Variants in PTPN11 observed in about 807,000 individuals in gnomAD.
The protein encoded by PTPN11 is tyrosine-protein phosphatase non-receptor type 11.
In PTPN11, 6 loss-of-function variants were observed where a neutral mutation model predicts 78.8. That is an observed-to-expected ratio of 0.08 (90% CI 0.04 to 0.15). PTPN11 has a LOEUF of 0.15. PTPN11 is among the 10% of genes least tolerant of loss of function. The probability of loss-of-function intolerance (pLI) is 1.00; values close to 1 mark genes in which losing one functional copy is unlikely to be tolerated. For synonymous variants in PTPN11, 221 were observed against 263.5 expected (o/e 0.84, Z 1.56); for missense variants, 386 against 744.8 (o/e 0.52, Z 5.61).
intron 1 of PTPN11, among the ~76,000 whole-genome samples, chr12:112,434,257 G>A (rs571500445): frequency 6.6e-6 from 1 of 151,878 alleles, no homozygotes; most frequent in Admixed American, 6.6e-5. Context: ...TCCAACCTGC[G>A]CAACAGAGTG....
intron 6 of PTPN11, among the ~76,000 whole-genome samples, chr12:112,469,463 C>T (rs1456959919): frequency 6.6e-6 from 1 of 151,822 alleles, no homozygotes; most frequent in Non-Finnish European, 1.5e-5. Flanking sequence ...CTTCTATATA[C>T]AGCAAAATGA....
intron 6 of PTPN11, among the ~76,000 whole-genome samples, chr12:112,471,349 T>A (rs1477719615): frequency 2.0e-5 from 3 of 152,044 alleles, no homozygotes; most frequent in Non-Finnish European, 4.4e-5. Context: ...ACTAGGCTTT[T>A]TGTAAACCAA....
intron 2 of PTPN11, 26 bp downstream of exon 2, chr12:112,446,424 C>A: frequency 6.2e-7 from 1 of 1,613,924 alleles, no homozygotes; most frequent in Non-Finnish European, 8.5e-7. Context: ...AAGAGAGGAT[C>A]CTGAGAGTGT....
chr12:112,472,746 C>G (rs746889974), intron 6 of PTPN11, among the ~76,000 whole-genome samples, 198 bp from the exon 7 acceptor site: 2 of 152,084 alleles, frequency 1.3e-5, no homozygotes, highest in Non-Finnish European at 2.9e-5. Context: ...AGTGATCTGC[C>G]CACCTCAGCC....
chr12:112,471,512 A>G (rs1346082834), intron 6 of PTPN11, among the ~76,000 whole-genome samples: 2 of 151,614 alleles, frequency 1.3e-5, no homozygotes, highest in African/African-American at 4.8e-5. Flanking sequence ...TTTAAAACAA[A>G]AAAAGAAGAA....
At chr12:112,498,686 A>C (rs2038839996) in intron 13 of PTPN11, among the ~76,000 whole-genome samples, 1 of 152,174 alleles carries the variant, frequency 6.6e-6, no homozygotes, top group African/African-American at 2.4e-5. Context: ...TTGGGTGGAG[A>C]TAGATCAATT....
chr12:112,461,491 A>G (rs1041885347), intron 6 of PTPN11, among the ~76,000 whole-genome samples: 1 of 151,468 alleles, frequency 6.6e-6, no homozygotes. Flanking sequence ...ATGCCTGGCT[A>G]ATTTTTTGAT....
At chr12:112,420,211 G>A (rs2037500492) in intron 1 of PTPN11, among the ~76,000 whole-genome samples, 1 of 152,104 alleles carries the variant, frequency 6.6e-6, no homozygotes. Flanking sequence ...ATTTTGTATA[G>A]TCACTCTATA....
chr12:112,419,190 G>A, intron 1 of PTPN11, 65 bp downstream of exon 1: 3 of 1,384,180 alleles, frequency 2.2e-6, no homozygotes, highest in Non-Finnish European at 2.8e-6. Context: ...GGTTAGCCCC[G>A]TCCGGAAGGG....
intron 1 of PTPN11, among the ~76,000 whole-genome samples, chr12:112,436,246 ATAT>A (rs1437342772): frequency 3.3e-5 from 5 of 152,186 alleles, no homozygotes; most frequent in African/African-American, 1.2e-4. Context: ...TATGGTAGAG[ATAT>A]TATAGTCAAT....
intron 5 of PTPN11, among the ~76,000 whole-genome samples, chr12:112,455,232 CTTT>C (rs997021901): frequency 8.6e-5 from 10 of 116,280 alleles, no homozygotes; most frequent in South Asian, 2.8e-4. Context: ...TACAGAGGTT[CTTT>C]TTTTTTTTTT....
chr12:112,419,401 C>T (rs1212617963), intron 1 of PTPN11, among the ~76,000 whole-genome samples: 1 of 152,188 alleles, frequency 6.6e-6, no homozygotes, highest in African/African-American at 2.4e-5. Flanking sequence ...GTAGAGCCGC[C>T]GAGGGAACCA....
intron 6 of PTPN11, among the ~76,000 whole-genome samples, chr12:112,459,652 G>A (rs1051997479): frequency 6.6e-6 from 1 of 151,392 alleles, no homozygotes; most frequent in Non-Finnish European, 1.5e-5. Context: ...TTTTTAGTAG[G>A]GACAGGGTTT....
chr12:112,447,307 C>G (rs1023123464), intron 2 of PTPN11, among the ~76,000 whole-genome samples: 1 of 152,076 alleles, frequency 6.6e-6, no homozygotes, highest in Non-Finnish European at 1.5e-5. Flanking sequence ...CCCTCTTTCC[C>G]CAGAGGAAAC....
chr12:112,442,877 T>A (rs12425403), intron 1 of PTPN11, among the ~76,000 whole-genome samples: 138 of 70,108 alleles, frequency 2.0e-3, no homozygotes, highest in African/African-American at 6.2e-3. Flanking sequence ...TATATATATA[T>A]AAATTATATA....
chr12:112,503,247 C>T (rs1007681887), intron 14 of PTPN11, among the ~76,000 whole-genome samples: 1 of 152,172 alleles, frequency 6.6e-6, no homozygotes, highest in African/African-American at 2.4e-5. Context: ...CTTCCCGACT[C>T]CTTGTTGAAA....
intron 7 of PTPN11, among the ~76,000 whole-genome samples, chr12:112,474,580 GC>G (rs2038470005): frequency 1.3e-5 from 2 of 151,490 alleles, no homozygotes; most frequent in African/African-American, 4.8e-5. Context: ...AGGAAAAAAG[GC>G]CTGGAAGGAT....
Position 112,496,905 on chromosome 12 carries a change from G to C in PTPN11, c.1600-5239G>C, listed in dbSNP as rs118040929. Reference sequence around the variant, plus strand: ...ATTACTTTTAAAAATTCTGTAATGGGTCAGGCCTATAATCCTAGCACTTTG... The same window carrying C: ...ATTACTTTTAAAAATTCTGTAATGGCTCAGGCCTATAATCCTAGCACTTTG... On this transcript the variant is annotated intron_variant, in intron 13 of 15. Coordinates refer to ENST00000351677, the MANE Select transcript of PTPN11 (RefSeq NM_002834.5). Among the ~76,000 whole-genome samples the C allele has an allele frequency of 2.6e-5, 4 of 152,156 alleles. No homozygotes were observed. The East Asian group carries it at 7.7e-4, about 29-fold the overall frequency.
At chr12:112,426,556 C>T (rs911270962) in intron 1 of PTPN11, among the ~76,000 whole-genome samples, 2 of 152,090 alleles carry the variant, frequency 1.3e-5, no homozygotes, top group Non-Finnish European at 2.9e-5. Context: ...CGCAGCCGGC[C>T]AAAACTTTGT....
Sources: gnomAD v4.1 joint callset for allele counts (sites outside exome capture counted in the v4.1 genomes callset) on GRCh38, gnomAD v4.1.1 for gene constraint, MANE v1.5 for transcripts, NCBI Gene and HGNC (gene_info 2026-07-23, HGNC 2026-07-21) for gene names.